The following ANKRD30A variants were observed in gnomAD, a reference collection of about 807,000 sequenced individuals.
The protein encoded by ANKRD30A is ankyrin repeat domain-containing protein 30A.
ANKRD30A carries 170 observed loss-of-function variants against 166.3 expected under a neutral mutation model. That is an observed-to-expected ratio of 1.02 (90% CI 0.90 to 1.16). ANKRD30A has a LOEUF of 1.16. Ranked by LOEUF, ANKRD30A falls within the 50% of genes most tolerant of loss-of-function variation. ANKRD30A has a pLI of 0.00. For missense variants in ANKRD30A, 1,630 were observed against 1,518.0 expected (o/e 1.07, Z -1.23); for synonymous variants, 564 against 508.9 (o/e 1.11, Z -1.46).
intron 7 of ANKRD30A, 131 bp from the exon 8 acceptor site, chr10:37,144,864 A>G (rs1220065494): frequency 3.5e-6 from 2 of 563,700 alleles, no homozygotes; most frequent in East Asian, 6.9e-5. Context: ...GGTTGTGGTT[A>G]TCTACCAATA....
intron 15 of ANKRD30A, among the ~76,000 whole-genome samples, chr10:37,162,187 A>T (rs545103091): frequency 6.6e-6 from 1 of 152,294 alleles, no homozygotes; most frequent in Admixed American, 6.5e-5. Flanking sequence ...CTAAGTGTAT[A>T]TCCAAGCTGA....
At chr10:37,159,655 G>A (rs1037163909) in intron 15 of ANKRD30A, among the ~76,000 whole-genome samples, 3 of 152,030 alleles carry the variant, frequency 2.0e-5, no homozygotes, top group Non-Finnish European at 2.9e-5. Flanking sequence ...TTGTTTTCAT[G>A]TCTTAAATTT....
At chr10:37,149,622 A>G (rs1403306177) in intron 9 of ANKRD30A, 29 bp from the exon 10 acceptor site, 1 of 1,607,564 alleles carries the variant, frequency 6.2e-7, no homozygotes, top group Admixed American at 1.7e-5. Context: ...CTTACTTATG[A>G]TTGATGATAA....
Position 37,167,521 on chromosome 10 carries a change from G to C in ANKRD30A, c.2155+826G>C, listed in dbSNP as rs530761545. Among the ~76,000 whole-genome samples, 9 of 151,456 alleles carry C rather than the reference G, an allele frequency of 5.9e-5. No homozygotes were observed. The South Asian group carries it at 1.9e-3, about 32-fold the overall frequency. On this transcript the variant is annotated intron_variant, in intron 19 of 35. Coordinates refer to ENST00000361713, the MANE Select transcript of ANKRD30A (RefSeq NM_052997.3). The stretch of plus-strand genomic sequence containing the variant: ...TTGAATACCTAAATTGTTGTTATTC[G>C]TAGGTATTTTACTGATTTTAACATA...
chr10:37,149,970 G>A, intron 11 of ANKRD30A, 121 bp downstream of exon 11: 1 of 1,324,456 alleles, frequency 7.6e-7, no homozygotes, highest in Non-Finnish European at 1.0e-6. Context: ...TCTAGATAAT[G>A]CCAATACTGG....
intron 18 of ANKRD30A, among the ~76,000 whole-genome samples, chr10:37,166,016 A>G (rs1484872590): frequency 6.6e-6 from 1 of 152,128 alleles, no homozygotes; most frequent in East Asian, 1.9e-4. Context: ...TTTACATTCT[A>G]TTCAAGCACT....
At position 37,152,059 on chromosome 10, in the gene ANKRD30A, G is replaced by C. The variant is rs1299139064; in HGVS notation, c.1646-1G>C. On this transcript the variant is annotated splice_acceptor_variant, in intron 11 of 35. Coordinates refer to ENST00000361713, the MANE Select transcript of ANKRD30A (RefSeq NM_052997.3). LOFTEE classifies it high-confidence loss of function. ...ATGTTTCTGTGATTAACCTTTTATA[G>C]ATCCGATGTTCCCACCAGAATCCAA... The C allele has an allele frequency of 6.2e-7, 1 of 1,606,992 alleles. No individual in the cohort carries two copies. Among genetic ancestry groups the C allele is most frequent in the African/African-American group, 1.3e-5 (1 of 74,664 alleles).
At chr10:37,214,355 A>G (rs1374401696) in intron 31 of ANKRD30A, among the ~76,000 whole-genome samples, 1 of 151,380 alleles carries the variant, frequency 6.6e-6, no homozygotes, top group Non-Finnish European at 1.5e-5. Flanking sequence ...ATCCATTCTG[A>G]CAATCTGCTT....
rs576461920 is a variant in ANKRD30A at position 37,136,570 on chromosome 10, A to G, written c.756-37A>G. 12 of 1,017,718 alleles carry G rather than the reference A, an allele frequency of 1.2e-5. No individual in the cohort carries two copies. The African/African-American group carries it at 1.8e-4, about 15-fold the overall frequency. 63.0% of individuals were successfully genotyped at this position (1,017,718 alleles called of 1,614,324 possible). A position where few individuals can be genotyped will look rare whatever the true frequency, so the allele number is the denominator to read the frequency against. ...AAATGTTTTTTATAAAGTCAGTGTT[A>G]AAATGGTAATTTTATTTATCACATT... On this transcript the variant is annotated intron_variant, in intron 5 of 35. Transcript: ENST00000361713.
rs572925577 is a variant in ANKRD30A at position 37,193,084 on chromosome 10, T to A, written c.2533T>A (p.Phe845Ile). 6.2e-7 allele frequency: 1 copy of A among 1,608,354 alleles called. No individual in the cohort carries two copies. Among genetic ancestry groups the A allele is most frequent in the African/African-American group, 1.3e-5 (1 of 74,728 alleles). The change falls in exon 26 of 36, where the codon TTT (phenylalanine) becomes ATT (isoleucine). Residue 845 changes from phenylalanine (F) to isoleucine (I), a missense_variant. By Grantham distance (21) the Phe-to-Ile change is conservative. Around this residue, in one of 4 missense-constraint regions of ANKRD30A, gnomAD observed 712 missense variants for 629.3 expected, o/e 1.13. Coordinates refer to ENST00000361713, the MANE Select transcript of ANKRD30A (RefSeq NM_052997.3). ...KLEESPDNDG[F>I]LKAPCRMKVS... ...TTTAGAGTCTCCTGATAATGATGGTTTTCTGAAGGTAATAACTTTTATATT... is the reference window on the plus strand; with the variant it reads ...TTTAGAGTCTCCTGATAATGATGGTATTCTGAAGGTAATAACTTTTATATT...
At chr10:37,154,638 G>T (rs987857203) in intron 13 of ANKRD30A, among the ~76,000 whole-genome samples, 1 of 152,136 alleles carries the variant, frequency 6.6e-6, no homozygotes, top group Non-Finnish European at 1.5e-5. Context: ...GGTGTTGAAT[G>T]GGAAGAACCA....
chr10:37,189,976 CCTT>C (rs1840397881), intron 25 of ANKRD30A, among the ~76,000 whole-genome samples: 1 of 151,722 alleles, frequency 6.6e-6, no homozygotes, highest in East Asian at 1.9e-4. Flanking sequence ...TATAAAGTGA[CCTT>C]CTAGAACCAA....
chr10:37,261,903 T>C, the ANKRD30A span: 1 of 153,220 alleles, frequency 6.5e-6, no homozygotes, highest in African/African-American at 2.4e-5. Flanking sequence ...GCCTGTTGAT[T>C]TGTTGAAAAT....
rs752473505 is a variant in ANKRD30A at position 37,219,898 on chromosome 10, GT to G, written c.4185+2del. 28 of 1,476,302 alleles carry G rather than the reference GT, an allele frequency of 1.9e-5. No homozygotes were observed. The highest frequency in any genetic ancestry group is 2.4e-5 in the Non-Finnish European group (27 of 1,112,168). 91.5% of individuals were successfully genotyped at this position (1,476,302 alleles called of 1,614,324 possible). A position where few individuals can be genotyped will look rare whatever the true frequency, so the allele number is the denominator to read the frequency against. ...TGAAAAAGAGAAAGCAGAAACAGAA[GT>G]AAGTATCAAAAAATATAAATACTTG... is the stretch of plus-strand genomic sequence containing the variant. On this transcript the variant is annotated splice_donor_variant, in intron 34 of 35. Transcript: ENST00000361713. LOFTEE classifies it high-confidence loss of function.
chr10:37,162,865 A>G lies in ANKRD30A; in HGVS notation c.2002+17A>G. 1.2e-6 allele frequency: 2 copies of G among 1,609,736 alleles called. No individual in the cohort carries two copies. The highest frequency in any genetic ancestry group is 1.7e-6 in the Non-Finnish European group (2 of 1,176,874). ...TGAGAGCAGGTAAATTTTTCAATGT[A>G]ACTATGGAAAGACCAATATTTCAAT... On this transcript the variant is annotated intron_variant, in intron 17 of 35. Transcript: ENST00000361713.
At chr10:37,243,646 A>T in the ANKRD30A span, among the ~76,000 whole-genome samples, 3 of 152,080 alleles carry the variant, frequency 2.0e-5, no homozygotes. Flanking sequence ...GACGTATAAT[A>T]AAACCACTTT....
chr10:37,253,897 G>A, the ANKRD30A span, among the ~76,000 whole-genome samples: 3 of 152,094 alleles, frequency 2.0e-5, no homozygotes. Context: ...TGATCTGCCT[G>A]CCTTGGCCTC....
chr10:37,151,529 C>T (rs1166525310), intron 11 of ANKRD30A, among the ~76,000 whole-genome samples: 1 of 151,960 alleles, frequency 6.6e-6, no homozygotes, highest in Non-Finnish European at 1.5e-5. Flanking sequence ...CCAAAACACA[C>T]CCAATACACT....
At chr10:37,244,441 C>T in the ANKRD30A span, among the ~76,000 whole-genome samples, 1 of 152,186 alleles carries the variant, frequency 6.6e-6, no homozygotes. Flanking sequence ...ATTTAAACTC[C>T]TCATAGACAG....
Sources: allele counts gnomAD v4.1 joint callset (sites outside exome capture counted in the v4.1 genomes callset), GRCh38; gene constraint gnomAD v4.1.1; regional missense constraint gnomAD v4.1.1; transcripts MANE v1.5; gene names NCBI Gene and HGNC (gene_info 2026-07-23, HGNC 2026-07-21).